The following DACT2 variants were observed in gnomAD, a reference collection of about 807,000 sequenced individuals.
The protein encoded by DACT2 is dishevelled binding antagonist of beta catenin 2, also known as dapper homolog 2.
In DACT2, 20 loss-of-function variants were observed where a neutral mutation model predicts 22.2. The observed-to-expected ratio is 0.90, with a 90% CI of 0.63 to 1.31. The LOEUF (loss-of-function observed/expected upper bound fraction) is 1.31. DACT2 is among the 50% of genes most tolerant of loss of function. DACT2 has a pLI of 0.00. For synonymous variants in DACT2, 463 were observed against 479.8 expected, an observed-to-expected ratio of 0.96 and a Z score of 0.46; for missense variants, 1,048 against 1,061.4, an observed-to-expected ratio of 0.99 and a Z score of 0.18.
Position 168,308,926 on chromosome 6 carries a change from G to A in DACT2, c.831C>T (p.Ser277=), listed in dbSNP as rs1392268809. ...TCTGTAGAGCCACGGCGTGCAGGGG[G>A]CTGGGGTACGGGTACACCTCCCTGC... ...QGGREVYPYP[S]PLHAVALQSP... The change falls in exon 4 of 4, where the codon AGC becomes AGT. Residue 277 remains serine, a synonymous_variant. Coordinates refer to ENST00000366795, the MANE Select transcript of DACT2 (RefSeq NM_214462.5). 13 of 1,550,322 alleles carry A rather than the reference G, an allele frequency of 8.4e-6. No homozygotes were observed. Among genetic ancestry groups the A allele is most frequent in the East Asian group, 2.4e-5 (1 of 40,916 alleles).
chr6:168,294,053 G>A (rs1464429360), intron 5 of DACT2: 18 of 702,706 alleles, frequency 2.6e-5, no homozygotes, highest in Non-Finnish European at 3.9e-5. Flanking sequence ...GAGCACCCAC[G>A]ATGCCCATGA....
chr6:168,294,648 A>T, exon 4 of DACT2: 1 of 1,475,992 alleles, frequency 6.8e-7, no homozygotes, highest in Non-Finnish European at 8.9e-7. Context: ...AGTGAACTGG[A>T]GGTGCAGCCT....
intron 1 of DACT2, among the ~76,000 whole-genome samples, chr6:168,318,550 A>G (rs1295128775): frequency 6.6e-6 from 1 of 152,242 alleles, no homozygotes; most frequent in African/African-American, 2.4e-5. Flanking sequence ...ACACAAGTAA[A>G]CATATCTTTC....
intron 3 of DACT2, chr6:168,294,730 C>T (rs750548604): frequency 1.9e-5 from 25 of 1,330,180 alleles, no homozygotes; most frequent in East Asian, 8.4e-5. Context: ...TGCAAATGTG[C>T]GTGAGAGCTA....
chr6:168,307,279 G>A lies in DACT2; in HGVS notation c.*153C>T. The A allele has an allele frequency of 1.4e-6, 2 of 1,459,772 alleles. No homozygotes were observed. Among genetic ancestry groups the A allele is most frequent in the Non-Finnish European group, 1.8e-6 (2 of 1,108,654 alleles). The allele number at this position is 1,459,772 out of a possible 1,614,324, so 90.4% of individuals were successfully genotyped here. Reference sequence around the variant, plus strand: ...CGGGGACTCACGGCCATACTCCACAGGGCAGAACCCATCTGCGGGGACTCC... The same window carrying A: ...CGGGGACTCACGGCCATACTCCACAAGGCAGAACCCATCTGCGGGGACTCC... On this transcript the variant is annotated 3_prime_UTR_variant, in exon 4 of 4. Transcript: ENST00000366795. This position sits in a 1 kb window ranked among gnomAD's most constrained non-coding sequence, Gnocchi z 5.3.
chr6:168,314,597 C>T (rs1276292141), intron 1 of DACT2, among the ~76,000 whole-genome samples: 1 of 152,222 alleles, frequency 6.6e-6, no homozygotes, highest in Non-Finnish European at 1.5e-5. Flanking sequence ...TTACGCACCA[C>T]AAGAGAATGA....
chr6:168,294,212 AGGCAATGCCATCCTGAGAAACATGAGT>A (rs1242375803), intron 4 of DACT2: 2 of 702,874 alleles, frequency 2.8e-6, no homozygotes, highest in African/African-American at 3.5e-5. Context: ...CACAGAGAGA[AGGCAATGCCATCCTGAGAAACATGAGT>A]GCCAGGAGCT....
chr6:168,319,439 G>C lies in DACT2; in HGVS notation c.195C>G (p.His65Gln), dbSNP rs1779592138. The C allele has an allele frequency of 8.3e-7, 1 of 1,205,956 alleles. No individual in the cohort carries two copies. The highest frequency in any genetic ancestry group is 1.0e-6 in the Non-Finnish European group (1 of 972,038). 74.7% of individuals were successfully genotyped at this position (1,205,956 alleles called of 1,614,324 possible). Reference protein sequence around the residue: ...PAAPCGPHGLHGPEQQLEAAL... With the variant: ...PAAPCGPHGLQGPEQQLEAAL... ...CCGCCTCCAGCTGCTGCTCGGGGCC[G>C]TGGAGGCCGTGGGGGCCGCAGGGCG... Residue 65 changes from histidine to glutamine, a missense_variant, in exon 1 of 4, where the codon CAC becomes CAG. By Grantham distance (24) the His-to-Gln change is conservative. Coordinates refer to ENST00000366795, the MANE Select transcript of DACT2 (RefSeq NM_214462.5).
chr6:168,312,290 G>T (rs557949523), intron 1 of DACT2, among the ~76,000 whole-genome samples: 2 of 151,954 alleles, frequency 1.3e-5, no homozygotes, highest in African/African-American at 4.8e-5. Flanking sequence ...CGACCTCCCC[G>T]GGCTCAGGTG....
At chr6:168,298,335 G>C (rs1206120966) in intron 3 of DACT2, 1 of 152,164 alleles carries the variant, frequency 6.6e-6, no homozygotes, top group Non-Finnish European at 1.5e-5. Flanking sequence ...AGATCCATTT[G>C]GCGAGGGCAT....
chr6:168,319,517 C>A lies in DACT2; in HGVS notation c.117G>T (p.Gln39His). ...CCAGGGCGCCCCGTACCCGCTCCTG[C>A]TGCGTGGCTCGCAGCCCCTGCAGCT... ...LQELQGLRAT[Q>H]QERVRGALAL... is the part of the protein sequence containing the mutation. The change falls in exon 1 of 4, where the codon CAG becomes CAT. Residue 39 changes from glutamine to histidine, a missense_variant. By Grantham distance (24) the Gln-to-His change is conservative. Coordinates refer to ENST00000366795, the MANE Select transcript of DACT2 (RefSeq NM_214462.5). 1 of 1,353,290 alleles carries A rather than the reference C, an allele frequency of 7.4e-7. No homozygotes were observed. Among genetic ancestry groups the A allele is most frequent in the Non-Finnish European group, 9.6e-7 (1 of 1,044,502 alleles). 83.8% of individuals were successfully genotyped at this position (1,353,290 alleles called of 1,614,324 possible).
At chr6:168,312,774 C>T (rs1779453338) in intron 1 of DACT2, among the ~76,000 whole-genome samples, 1 of 152,156 alleles carries the variant, frequency 6.6e-6, no homozygotes, top group Non-Finnish European at 1.5e-5. Flanking sequence ...CCCTGAGCCC[C>T]ATAACCTAGG....
chr6:168,292,995 A>T (rs1778940038), exon 6 of DACT2: 1 of 152,160 alleles, frequency 6.6e-6, no homozygotes, highest in Admixed American at 6.5e-5. Flanking sequence ...CTAAAAAAAA[A>T]TTTACAACCT....
At chr6:168,305,141 C>T (rs752261363), downstream of DACT2, among the ~76,000 whole-genome samples, 5 of 152,104 alleles carry the variant, frequency 3.3e-5, no homozygotes, top group African/African-American at 7.2e-5. Context: ...GGAAGGAGAA[C>T]GATTGATTGA....
chr6:168,297,534 C>G (rs545768624), intron 3 of DACT2, among the ~76,000 whole-genome samples: 6 of 152,202 alleles, frequency 3.9e-5, no homozygotes, highest in African/African-American at 1.4e-4. Context: ...TTCCCTAGAA[C>G]CTCCGGGAGT....
rs768380927 is a variant in DACT2 at position 168,294,602 on chromosome 6, T to TATAC, written c.730+30_730+31insGTAT. ...GTATATATATATATATATATATATATACACATATAAAGAAGAACATCCTTC... is the reference window on the plus strand; with the variant it reads ...GTATATATATATATATATATATATATATACACACATATAAAGAAGAACATCCTTC... On this transcript the variant is annotated intron_variant, in intron 4 of 5. Coordinates refer to the DACT2 transcript ENST00000366796. 149 of 812,804 alleles carry TATAC rather than the reference T, an allele frequency of 1.8e-4. 2 individuals are homozygous for TATAC. The South Asian group carries it at 2.9e-3, about 16-fold the overall frequency. The allele number at this position is 812,804 out of a possible 1,614,324, so 50.3% of individuals were successfully genotyped here.
exon 6 of DACT2, chr6:168,293,295 T>A (rs1188884400): frequency 6.5e-6 from 1 of 152,898 alleles, no homozygotes; most frequent in Non-Finnish European, 1.5e-5. Flanking sequence ...TTCATCTTAT[T>A]AACATAGTGA....
intron 1 of DACT2, among the ~76,000 whole-genome samples, chr6:168,314,538 G>T (rs1038977338): frequency 1.1e-4 from 16 of 152,100 alleles, no homozygotes; most frequent in African/African-American, 3.9e-4. Flanking sequence ...CTATTCCAGG[G>T]GGTACCGTTA....
chr6:168,306,672 G>A (rs1367126356), downstream of DACT2, among the ~76,000 whole-genome samples: 6 of 150,160 alleles, frequency 4.0e-5, no homozygotes, highest in Non-Finnish European at 7.4e-5. Context: ...GGATGGTCTT[G>A]ATCTTCTGAC....
Sources: allele counts gnomAD v4.1 joint callset (sites outside exome capture counted in the v4.1 genomes callset), GRCh38; gene constraint gnomAD v4.1.1; non-coding constraint Gnocchi (gnomAD v3.1); transcripts MANE v1.5; gene names NCBI Gene and HGNC (gene_info 2026-07-23, HGNC 2026-07-21).